LDB1: variants seen among roughly 807,000 people sequenced by gnomAD.
LDB1 encodes LIM domain binding 1, also known as LIM domain-binding protein 1.
A neutral mutation model predicts 49.7 loss-of-function variants in LDB1; 6 were observed. That is an observed-to-expected ratio of 0.12 (90% CI 0.07 to 0.24). The LOEUF is 0.24. Among genes scored for constraint, LDB1 ranks in the 10% least tolerant of loss-of-function variants. The probability of loss-of-function intolerance (pLI) is 1.00; values close to 1 mark genes in which losing one functional copy is unlikely to be tolerated. For synonymous variants in LDB1, 233 were observed against 202.0 expected (o/e 1.15, Z -1.30); for missense variants, 341 against 561.7 (o/e 0.61, Z 3.97).
chr10:102,108,604 ACTC>A (rs1002158633), intron 10 of LDB1, among the ~76,000 whole-genome samples: 5 of 151,824 alleles, frequency 3.3e-5, no homozygotes, highest in Admixed American at 6.6e-5. Context: ...ATTTTAGGGG[ACTC>A]CTCAACTTCT....
At chr10:102,105,799 T>TAA (rs1158468815), downstream of LDB1, among the ~76,000 whole-genome samples, 32 of 100,972 alleles carry the variant, frequency 3.2e-4, no homozygotes, top group Middle Eastern at 5.6e-3. Flanking sequence ...CTATCTCTAC[T>TAA]AAAAAAAAAA....
At chr10:102,121,394 C>T (rs2068419463), upstream of LDB1, among the ~76,000 whole-genome samples, 1 of 152,174 alleles carries the variant, frequency 6.6e-6, no homozygotes, top group Non-Finnish European at 1.5e-5. Flanking sequence ...CCCCCTAACC[C>T]AGAGAGGCAG....
In LDB1 at chr10:102,120,043, C is replaced by A. The variant is rs762606098; in HGVS notation, c.25+43G>T. 71 of 1,399,784 alleles carry A rather than the reference C, an allele frequency of 5.1e-5. No individual in the cohort carries two copies. In the African/African-American group the frequency reaches 1.0e-3, roughly 20 times the overall value. 86.7% of individuals were successfully genotyped at this position (1,399,784 alleles called of 1,614,324 possible). A position where few individuals can be genotyped will look rare whatever the true frequency, so the allele number is the denominator to read the frequency against. On this transcript the variant is annotated intron_variant, in intron 1 of 10. Coordinates refer to ENST00000673968, the MANE Select transcript of LDB1 (RefSeq NM_001113407.3). ...ACACGGGGTGAGGGGTCCGCAGGGA[C>A]GGCTGGGCAGGAAGGGGCCGAGTGG...
upstream of LDB1, chr10:102,120,394 T>C (rs1321607099): frequency 2.0e-6 from 2 of 983,476 alleles, no homozygotes; most frequent in Non-Finnish European, 2.4e-6. Flanking sequence ...TGTGCGCGTG[T>C]GCGTGTGCGT....
intron 1 of LDB1, among the ~76,000 whole-genome samples, chr10:102,113,888 C>A (rs1026009187): frequency 4.6e-5 from 7 of 152,206 alleles, no homozygotes; most frequent in African/African-American, 7.2e-5. Flanking sequence ...ATTTACACCT[C>A]CAGTGAATGG....
At chr10:102,108,770 T>A (rs558249207) in intron 10 of LDB1, among the ~76,000 whole-genome samples, 8 of 152,228 alleles carry the variant, frequency 5.3e-5, no homozygotes, top group African/African-American at 1.7e-4. Flanking sequence ...CCAAGCTGTC[T>A]GTCCTGAATA....
upstream of LDB1, chr10:102,120,578 G>A (rs1297256707): frequency 1.1e-5 from 2 of 184,836 alleles, no homozygotes; most frequent in Non-Finnish European, 2.0e-5. Context: ...CCGGGAGAGC[G>A]CGCAGCAAGC....
rs1298889436 is a variant in LDB1, at chr10:102,117,664, A to C, written c.25+2422T>G. On this transcript the variant is annotated intron_variant, in intron 1 of 10. Transcript: ENST00000673968. This position sits in a 1 kb window ranked among gnomAD's most constrained non-coding sequence, Gnocchi z 4.2. ...CCTCTCCTGGCTCCCAGCCGCCACCACTGCTGCCTCCTCCCCTCCCCCTAC... is the reference window on the plus strand; with the variant it reads ...CCTCTCCTGGCTCCCAGCCGCCACCCCTGCTGCCTCCTCCCCTCCCCCTAC... Among the ~76,000 whole-genome samples the C allele has an allele frequency of 6.6e-6, 1 of 151,670 alleles. No individual in the cohort carries two copies. Among genetic ancestry groups the C allele is most frequent in the East Asian group, 2.0e-4 (1 of 5,118 alleles).
In LDB1 at chr10:102,108,086, G is replaced by A. The variant is rs774992937; in HGVS notation, c.*7C>T. 9.3e-6 allele frequency: 15 copies of A among 1,608,068 alleles called. No homozygotes were observed. Among genetic ancestry groups the A allele is most frequent in the Non-Finnish European group, 1.3e-5 (15 of 1,174,908 alleles). On this transcript the variant is annotated 3_prime_UTR_variant, in exon 11 of 11. Coordinates refer to ENST00000673968, the MANE Select transcript of LDB1 (RefSeq NM_001113407.3). ...GGCAGAGCACTGGGTGGCCACAGCA[G>A]GGCCTTTTACTGGGAGGCCTGTGAC...
intron 1 of LDB1, among the ~76,000 whole-genome samples, chr10:102,118,520 G>C (rs1564917292): frequency 6.6e-6 from 1 of 152,086 alleles, no homozygotes; most frequent in Admixed American, 6.5e-5. Flanking sequence ...CTGGACCCAG[G>C]CACCCTGCCC....
chr10:102,108,363 G>A, intron 10 of LDB1, 40 bp from the exon 11 acceptor site: 1 of 1,545,620 alleles, frequency 6.5e-7, no homozygotes, highest in Non-Finnish European at 8.9e-7. Context: ...TCGGGGCAAG[G>A]GCTCGCCCGG....
At chr10:102,111,021 G>A (rs1373732108) in intron 4 of LDB1, 48 bp downstream of exon 4, 1 of 1,610,432 alleles carries the variant, frequency 6.2e-7, no homozygotes, top group South Asian at 1.1e-5. Context: ...ATCCCATAGG[G>A]TGCCCAGATG....
At chr10:102,103,004 C>T (rs1160448977), downstream of LDB1, among the ~76,000 whole-genome samples, 1 of 152,098 alleles carries the variant, frequency 6.6e-6, no homozygotes, top group African/African-American at 2.4e-5. Context: ...GCTTCGAAGT[C>T]CATCATGAAA....
Position 102,107,776 on chromosome 10 carries a change from A to AC in LDB1, c.*316dup, listed in dbSNP as rs1259545540. 4.9e-6 allele frequency: 2 copies of AC among 409,846 alleles called. No homozygotes were observed. Among genetic ancestry groups the AC allele is most frequent in the Non-Finnish European group, 9.0e-6 (2 of 223,100 alleles). 25.4% of individuals were successfully genotyped at this position (409,846 alleles called of 1,614,324 possible). Reference sequence around the variant, plus strand: ...AGGGGTAAAGTCAGGGGGATGGGAAACCCACAATCTGGGGTGAAGATGGAG... The same window carrying AC: ...AGGGGTAAAGTCAGGGGGATGGGAAACCCCACAATCTGGGGTGAAGATGGAG... On this transcript the variant is annotated 3_prime_UTR_variant, in exon 11 of 11. Transcript: ENST00000673968.
chr10:102,107,844 A>G lies in LDB1; in HGVS notation c.*249T>C. ...TGGTCAGGACATGTCTCAGAGGCCCAGGTTCCAAGTAGGCATCCACATGAG... is the reference window on the plus strand; with the variant it reads ...TGGTCAGGACATGTCTCAGAGGCCCGGGTTCCAAGTAGGCATCCACATGAG... On this transcript the variant is annotated 3_prime_UTR_variant, in exon 11 of 11. Coordinates refer to ENST00000673968, the MANE Select transcript of LDB1 (RefSeq NM_001113407.3). 3.6e-6 allele frequency: 2 copies of G among 562,584 alleles called. No homozygotes were observed. Among genetic ancestry groups the G allele is most frequent in the Non-Finnish European group, 6.4e-6 (2 of 313,826 alleles). The allele number at this position is 562,584 out of a possible 1,614,324, so 34.8% of individuals were successfully genotyped here.
chr10:102,113,519 A>G (rs1271733964), intron 1 of LDB1, among the ~76,000 whole-genome samples: 1 of 152,120 alleles, frequency 6.6e-6, no homozygotes, highest in Non-Finnish European at 1.5e-5. Flanking sequence ...TCCCCAATCC[A>G]CAGACAGGCA....
chr10:102,110,472 G>C, intron 6 of LDB1, 57 bp downstream of exon 6: 1 of 1,535,198 alleles, frequency 6.5e-7, no homozygotes, highest in South Asian at 1.2e-5. Flanking sequence ...CACTGGGAGA[G>C]AGGATGGGAA....
intron 1 of LDB1, chr10:102,114,572 G>T (rs1219780786): frequency 3.0e-6 from 3 of 985,492 alleles, no homozygotes; most frequent in Non-Finnish European, 3.6e-6. Flanking sequence ...ACAAAGACTC[G>T]CACGCACTGC....
chr10:102,110,421 C>T, intron 6 of LDB1, 108 bp downstream of exon 6: 1 of 1,152,738 alleles, frequency 8.7e-7, no homozygotes, highest in Non-Finnish European at 1.2e-6. Context: ...CTTATTTTGC[C>T]AGTTCACATT....
Sources: allele counts gnomAD v4.1 joint callset (sites outside exome capture counted in the v4.1 genomes callset), GRCh38; gene constraint gnomAD v4.1.1; non-coding constraint Gnocchi (gnomAD v3.1); transcripts MANE v1.5; gene names NCBI Gene and HGNC (gene_info 2026-07-23, HGNC 2026-07-21).